The following USH2A variants were observed in gnomAD, a reference collection of about 807,000 sequenced individuals.
USH2A encodes usherin, also known as Usher syndrome 2A (autosomal recessive, mild).
USH2A carries 443 observed loss-of-function variants against 538.9 expected under a neutral mutation model. That is an observed-to-expected ratio of 0.82 (90% confidence interval 0.76 to 0.89). The LOEUF (loss-of-function observed/expected upper bound fraction) is 0.89. Among genes scored for constraint, USH2A ranks in the 40% least tolerant of loss-of-function variants. The pLI is 0.00. For synonymous variants in USH2A, 2,413 were observed against 2,273.5 expected, an observed-to-expected ratio of 1.06 and a Z score of -1.75; for missense variants, 6,633 against 6,324.8, an observed-to-expected ratio of 1.05 and a Z score of -1.65.
rs370508571 is a variant in USH2A, at chr1:216,393,290, C to A, written c.651+25224G>T. Among the ~76,000 whole-genome samples, 314 of 152,242 alleles carry A rather than the reference C, an allele frequency of 2.1e-3. 15 individuals carry two copies. The South Asian group carries it at 0.064, about 31-fold the overall frequency. ...CAGATGGAAAAAAGTTACTTAATAA[C>A]CTTACTTAGTTTTAAAATTAGTTAT... On this transcript the variant is annotated intron_variant, in intron 3 of 71. Coordinates refer to ENST00000307340, the MANE Select transcript of USH2A (RefSeq NM_206933.4).
In USH2A at chr1:215,680,191, T is replaced by A; in HGVS notation, c.12252A>T (p.Leu4084=). The change falls in exon 62 of 72, where the codon CTA becomes CTT. Residue 4084 remains leucine, a synonymous_variant. Coordinates refer to ENST00000307340, the MANE Select transcript of USH2A (RefSeq NM_206933.4). ...VEQKENGRAL[L]LQWSEPMRTN... ...TTCTCATAGGTTCTGACCACTGTAG[T>A]AGCAATGCCCGGCCATTCTCTTTCT... 2 of 1,614,184 alleles carry A rather than the reference T, an allele frequency of 1.2e-6. No homozygotes were observed. The highest frequency in any genetic ancestry group is 1.7e-6 in the Non-Finnish European group (2 of 1,180,024).
chr1:215,902,331 A>G (rs1665523078), intron 38 of USH2A, among the ~76,000 whole-genome samples: 1 of 152,176 alleles, frequency 6.6e-6, no homozygotes, highest in African/African-American at 2.4e-5. Context: ...AGTGATGAGA[A>G]CAGAAGAATT....
intron 49 of USH2A, among the ~76,000 whole-genome samples, chr1:215,804,803 T>C (rs1662446305): frequency 6.6e-6 from 1 of 152,208 alleles, no homozygotes; most frequent in South Asian, 2.1e-4. Context: ...CAAAGGATTG[T>C]AAATCATGCT....
At chr1:215,693,070 G>T (rs530426115) in intron 61 of USH2A, among the ~76,000 whole-genome samples, 42 of 94,776 alleles carry the variant, frequency 4.4e-4, no homozygotes, top group Admixed American at 1.1e-3. Flanking sequence ...GCTAATTTTT[G>T]TGTGTGTATA....
intron 30 of USH2A, among the ~76,000 whole-genome samples, chr1:216,057,398 G>A (rs2031013769): frequency 6.6e-6 from 1 of 152,166 alleles, no homozygotes; most frequent in Admixed American, 6.5e-5. Flanking sequence ...TTTGTAGCCT[G>A]TAATGCCAGC....
chr1:215,922,395 C>G (rs148276022), intron 38 of USH2A, among the ~76,000 whole-genome samples: 14 of 152,064 alleles, frequency 9.2e-5, no homozygotes, highest in Non-Finnish European at 1.9e-4. Context: ...GTGAGCAACA[C>G]GATGGCTTTC....
At chr1:215,929,899 TC>T (rs1351977100) in intron 38 of USH2A, among the ~76,000 whole-genome samples, 1 of 151,970 alleles carries the variant, frequency 6.6e-6, no homozygotes, top group African/African-American at 2.4e-5. Flanking sequence ...TTCTTTTTTT[TC>T]TCATTGATAT....
chr1:216,175,472 T>C lies in USH2A; in HGVS notation c.4407A>G (p.Gln1469=), dbSNP rs2102641259. Residue 1469 remains glutamine, a synonymous_variant, in exon 21 of 72, where the codon CAA becomes CAG. Transcript: ENST00000307340. ...AGQTLAAAPA[Q]LRPPLVKGIN... is the part of the protein sequence containing the mutation. ...TTCCTTTAACCAGAGGTGGCCTCAG[T>C]TGTGCTGGTGCTAAATATTAGAAAA... The C allele has an allele frequency of 6.2e-7, 1 of 1,613,776 alleles. No individual in the cohort carries two copies. The highest frequency in any genetic ancestry group is 8.5e-7 in the Non-Finnish European group (1 of 1,179,846).
chr1:215,976,984 G>GTTTTTTT (rs56872387), intron 35 of USH2A, among the ~76,000 whole-genome samples: 3 of 144,426 alleles, frequency 2.1e-5, no homozygotes, highest in Non-Finnish European at 4.5e-5. Flanking sequence ...ACCTGGTCCA[G>GTTTTTTT]TTTTTTTTTT....
chr1:216,394,940 G>T (rs1358667623), intron 3 of USH2A, among the ~76,000 whole-genome samples: 2 of 151,810 alleles, frequency 1.3e-5, no homozygotes, highest in South Asian at 4.2e-4. Context: ...GGATGGTCTC[G>T]CTCTCCTGAC....
intron 60 of USH2A, among the ~76,000 whole-genome samples, chr1:215,736,140 T>C (rs1169896947): frequency 6.6e-6 from 1 of 152,146 alleles, no homozygotes; most frequent in East Asian, 1.9e-4. Flanking sequence ...ATTTACCCCC[T>C]AAACCTTCAG....
At chr1:215,968,171 C>T (rs924357200) in intron 36 of USH2A, among the ~76,000 whole-genome samples, 5 of 152,068 alleles carry the variant, frequency 3.3e-5, no homozygotes, top group African/African-American at 9.7e-5. Flanking sequence ...ATTTATAAAA[C>T]CCCAATTTAT....
At chr1:215,636,278 A>T (rs1310796337) in intron 69 of USH2A, among the ~76,000 whole-genome samples, 1 of 152,226 alleles carries the variant, frequency 6.6e-6, no homozygotes, top group Non-Finnish European at 1.5e-5. Flanking sequence ...AACTGGGGTG[A>T]AACTATTAAA....
intron 21 of USH2A, among the ~76,000 whole-genome samples, chr1:216,152,478 A>C (rs1471275093): frequency 6.9e-6 from 1 of 145,492 alleles, no homozygotes; most frequent in East Asian, 2.1e-4. Context: ...CCCACTGAGC[A>C]CCTTGCGACC....
intron 41 of USH2A, among the ~76,000 whole-genome samples, chr1:215,884,228 A>C (rs1411606616): frequency 6.6e-6 from 1 of 152,232 alleles, no homozygotes; most frequent in Non-Finnish European, 1.5e-5. Context: ...CAGAACTTAA[A>C]GTAAAATAAA....
chr1:216,015,008 A>G (rs150940276), intron 32 of USH2A, among the ~76,000 whole-genome samples: 8 of 152,216 alleles, frequency 5.3e-5, no homozygotes, highest in African/African-American at 1.9e-4. Context: ...CTTCTTTATG[A>G]TCTAATACAT....
At chr1:216,348,294 G>A (rs952297819) in intron 4 of USH2A, among the ~76,000 whole-genome samples, 1 of 152,090 alleles carries the variant, frequency 6.6e-6, no homozygotes, top group East Asian at 1.9e-4. Flanking sequence ...CTGGAATGGT[G>A]TGCTTTCCTT....
intron 16 of USH2A, among the ~76,000 whole-genome samples, chr1:216,202,096 G>T (rs991834893): frequency 6.6e-6 from 1 of 152,058 alleles, no homozygotes; most frequent in Non-Finnish European, 1.5e-5. Context: ...ATCACTGAAG[G>T]CTAGAACAAC....
intron 3 of USH2A, among the ~76,000 whole-genome samples, chr1:216,416,279 T>A (rs1016220870): frequency 6.6e-6 from 1 of 152,126 alleles, no homozygotes; most frequent in Non-Finnish European, 1.5e-5. Context: ...GAGTAAATAA[T>A]TGCTCTTTAA....
Sources: gnomAD v4.1 joint callset for allele counts (sites outside exome capture counted in the v4.1 genomes callset) on GRCh38, gnomAD v4.1.1 for gene constraint, MANE v1.5 for transcripts, NCBI Gene and HGNC (gene_info 2026-07-23, HGNC 2026-07-21) for gene names.